The following KSR2 variants were observed in gnomAD, a reference collection of about 807,000 sequenced individuals.
KSR2 encodes kinase suppressor of ras 2.
KSR2 carries 25 observed loss-of-function variants against 107.8 expected under a neutral mutation model. That is an observed-to-expected ratio of 0.23 (90% CI 0.17 to 0.32). KSR2 has a LOEUF of 0.32. Ranked by LOEUF, KSR2 falls within the 10% of genes least tolerant of loss-of-function variation. The pLI, the probability that KSR2 is intolerant of heterozygous loss-of-function variation, is 1.00. For synonymous variants in KSR2, 480 were observed against 507.0 expected (o/e 0.95, Z 0.71); for missense variants, 887 against 1,268.9 (o/e 0.70, Z 4.57).
chr12:117,606,072 T>C (rs1347304699), intron 5 of KSR2, among the ~76,000 whole-genome samples: 1 of 152,108 alleles, frequency 6.6e-6, no homozygotes, highest in African/African-American at 2.4e-5. Flanking sequence ...CCATGGCTGA[T>C]AGGAAATGCT....
chr12:117,484,931 T>C (rs1227360042), intron 15 of KSR2, among the ~76,000 whole-genome samples: 2 of 152,220 alleles, frequency 1.3e-5, no homozygotes, highest in Admixed American at 6.5e-5. Context: ...ACTTAACCTA[T>C]GCTGCCGCAG....
intron 14 of KSR2, among the ~76,000 whole-genome samples, chr12:117,496,143 C>T (rs1221485490): frequency 6.6e-6 from 1 of 151,976 alleles, no homozygotes; most frequent in Non-Finnish European, 1.5e-5. Context: ...AGGGGCTGTC[C>T]CTTCTGCCCC....
At chr12:117,878,184 C>T (rs1272930474) in intron 1 of KSR2, among the ~76,000 whole-genome samples, 1 of 152,038 alleles carries the variant, frequency 6.6e-6, no homozygotes, top group African/African-American at 2.4e-5. Context: ...ACTTAACCTG[C>T]ACTAATCACT....
At chr12:117,587,511 T>C (rs552551957) in intron 5 of KSR2, among the ~76,000 whole-genome samples, 2 of 152,230 alleles carry the variant, frequency 1.3e-5, no homozygotes, top group African/African-American at 4.8e-5. Flanking sequence ...CTGATCTTAA[T>C]CCCATTGGCA....
chr12:117,665,115 G>A (rs376288540), intron 5 of KSR2, among the ~76,000 whole-genome samples: 7 of 152,084 alleles, frequency 4.6e-5, no homozygotes, highest in East Asian at 1.9e-4. Context: ...TCTTCTTTCC[G>A]GGAGCTCAGA....
chr12:117,690,285 C>T (rs938061622), intron 4 of KSR2, among the ~76,000 whole-genome samples: 4 of 152,118 alleles, frequency 2.6e-5, no homozygotes, highest in Non-Finnish European at 4.4e-5. Flanking sequence ...GGAAAAAGGC[C>T]GGGCACGGTG....
intron 4 of KSR2, among the ~76,000 whole-genome samples, chr12:117,710,352 T>C (rs752830944): frequency 6.6e-6 from 1 of 152,146 alleles, no homozygotes; most frequent in Non-Finnish European, 1.5e-5. Context: ...TTCAGAGCAT[T>C]TGGGAGCATG....
Position 117,935,693 on chromosome 12 carries a change from G to A in KSR2, c.180+32383C>T, listed in dbSNP as rs529381088. On this transcript the variant is annotated intron_variant, in intron 1 of 19. Coordinates refer to ENST00000339824, the MANE Select transcript of KSR2 (RefSeq NM_173598.6). ...TAAGAATTGCTTGAACAGGGAGGTG[G>A]AGATTGCAGTGAGCCAAGATTGCGC... is the stretch of plus-strand genomic sequence containing the variant. Among the ~76,000 whole-genome samples the A allele has an allele frequency of 3.3e-5, 5 of 152,280 alleles. No individual in the cohort carries two copies. The South Asian group carries it at 1.0e-3, about 32-fold the overall frequency.
At chr12:117,714,212 C>G (rs1249194136) in intron 4 of KSR2, among the ~76,000 whole-genome samples, 1 of 152,068 alleles carries the variant, frequency 6.6e-6, no homozygotes, top group African/African-American at 2.4e-5. Context: ...AGGTGGAACT[C>G]TTTCATGAGG....
intron 7 of KSR2, among the ~76,000 whole-genome samples, chr12:117,564,810 C>A (rs1878360483): frequency 6.6e-6 from 1 of 151,932 alleles, no homozygotes; most frequent in African/African-American, 2.4e-5. Flanking sequence ...GAAGAACAGG[C>A]AGAAGGGGAA....
intron 5 of KSR2, among the ~76,000 whole-genome samples, chr12:117,650,273 C>T (rs1161854819): frequency 2.0e-5 from 3 of 152,204 alleles, no homozygotes; most frequent in Non-Finnish European, 4.4e-5. Flanking sequence ...TGCCCTCAAA[C>T]ATACAACCAT....
At chr12:117,916,362 C>T (rs1033801536) in intron 1 of KSR2, among the ~76,000 whole-genome samples, 7 of 151,988 alleles carry the variant, frequency 4.6e-5, no homozygotes, top group Non-Finnish European at 1.0e-4. Flanking sequence ...GTCTCGAACT[C>T]CCAACCTCAG....
At chr12:117,528,881 T>C (rs1179678130) in intron 12 of KSR2, among the ~76,000 whole-genome samples, 1 of 152,238 alleles carries the variant, frequency 6.6e-6, no homozygotes, top group Non-Finnish European at 1.5e-5. Flanking sequence ...CGCAAGCAGC[T>C]ATTGACTCTG....
chr12:117,652,323 T>C (rs1040277422), intron 5 of KSR2, among the ~76,000 whole-genome samples: 1 of 151,970 alleles, frequency 6.6e-6, no homozygotes, highest in Admixed American at 6.6e-5. Context: ...ATAAAAATAA[T>C]AATAATTTAA....
At chr12:117,722,481 T>C (rs757710994) in intron 4 of KSR2, among the ~76,000 whole-genome samples, 5 of 152,194 alleles carry the variant, frequency 3.3e-5, no homozygotes, top group Non-Finnish European at 7.3e-5. Flanking sequence ...AGTAAACAAG[T>C]TGGCCAAAAC....
chr12:117,594,526 G>C (rs1880518902), intron 5 of KSR2, among the ~76,000 whole-genome samples: 1 of 152,010 alleles, frequency 6.6e-6, no homozygotes. Context: ...GTGAGGCCAG[G>C]AAGCCTGCTG....
intron 7 of KSR2, among the ~76,000 whole-genome samples, chr12:117,578,830 G>T (rs1879457885): frequency 6.6e-6 from 1 of 152,140 alleles, no homozygotes; most frequent in Non-Finnish European, 1.5e-5. Context: ...GTAAGAATTT[G>T]CCAACCCCTG....
chr12:117,654,655 G>A (rs1029827152), intron 5 of KSR2, among the ~76,000 whole-genome samples: 59 of 152,320 alleles, frequency 3.9e-4, no homozygotes, highest in African/African-American at 1.4e-3. Flanking sequence ...TTGGCTGGAT[G>A]GTCAGGGACT....
chr12:117,859,191 G>A (rs920963946), intron 2 of KSR2, among the ~76,000 whole-genome samples: 1 of 142,748 alleles, frequency 7.0e-6, no homozygotes, highest in African/African-American at 2.7e-5. Flanking sequence ...CTACACCCAG[G>A]CTGGAGTACA....
Sources: allele counts gnomAD v4.1 joint callset (sites outside exome capture counted in the v4.1 genomes callset), GRCh38; gene constraint gnomAD v4.1.1; transcripts MANE v1.5; gene names NCBI Gene and HGNC (gene_info 2026-07-23, HGNC 2026-07-21).